Variants in EFCAB6 observed in about 807,000 individuals in gnomAD.
The protein encoded by EFCAB6 is EF-hand calcium binding domain 6, also known as EF-hand calcium-binding domain-containing protein 6.
A neutral mutation model predicts 169.8 loss-of-function variants in EFCAB6; 156 were observed. The ratio of observed to expected loss-of-function variants is 0.92; its 90% CI spans 0.81 to 1.05. EFCAB6 has a LOEUF of 1.05. Ranked by LOEUF, EFCAB6 falls within the 50% of genes least tolerant of loss-of-function variation. EFCAB6 has a pLI of 0.00. For synonymous variants in EFCAB6, 698 were observed against 676.4 expected, an observed-to-expected ratio of 1.03 and a Z score of -0.50; for missense variants, 1,800 against 1,829.1, an observed-to-expected ratio of 0.98 and a Z score of 0.29.
In EFCAB6 at chr22:43,687,552, T is replaced by C. The variant is rs369021857; in HGVS notation, c.1061A>G (p.Asn354Ser). ...AAATGATGTTAGAAATTGCTTCCAA[T>C]TGATTTTAGTGGTGGCTTTAAGTCC... ...RFGLKATTKI[N>S]WKQFLTSFHE... The change falls in exon 11 of 32, where the codon AAT becomes AGT. Residue 354 changes from asparagine to serine, a missense_variant. Asn to Ser is a conservative substitution (Grantham distance 46, BLOSUM62 1). Transcript: ENST00000262726. 57 of 1,604,974 alleles carry C rather than the reference T, an allele frequency of 3.6e-5. 1 individual carries two copies. The highest frequency in any genetic ancestry group is 2.2e-4 in the South Asian group (19 of 88,162).
intron 8 of EFCAB6, among the ~76,000 whole-genome samples, chr22:43,722,530 A>AT (rs2059573123): frequency 2.8e-4 from 2 of 7,082 alleles, no homozygotes; most frequent in South Asian, 7.6e-3. Flanking sequence ...ACTGCATCTC[A>AT]AAAAAAAAAA....
chr22:43,807,192 A>C (rs1303922334), intron 2 of EFCAB6, among the ~76,000 whole-genome samples: 1 of 152,210 alleles, frequency 6.6e-6, no homozygotes, highest in Non-Finnish European at 1.5e-5. Flanking sequence ...AAGGGATAGA[A>C]GCTTAGGCTA....
At chr22:43,607,723 A>C (rs994730182) in intron 22 of EFCAB6, among the ~76,000 whole-genome samples, 1 of 152,232 alleles carries the variant, frequency 6.6e-6, no homozygotes, top group Non-Finnish European at 1.5e-5. Context: ...TCATGGTTTC[A>C]TAAGTTTGCC....
chr22:43,709,093 A>AT (rs1223688751), intron 10 of EFCAB6, among the ~76,000 whole-genome samples: 1 of 152,028 alleles, frequency 6.6e-6, no homozygotes, highest in African/African-American at 2.4e-5. Context: ...TTATTTCTTC[A>AT]TTTTTTGGGA....
At chr22:43,733,095 T>C (rs10483219) in intron 7 of EFCAB6, among the ~76,000 whole-genome samples, 34,554 of 152,188 alleles carry the variant, frequency 0.23, 5,173 homozygotes, top group East Asian at 0.62. Context: ...CTCTTGCCTA[T>C]TGTTTTAATA....
intron 26 of EFCAB6, among the ~76,000 whole-genome samples, chr22:43,569,602 C>G (rs150295492): frequency 6.6e-6 from 1 of 152,176 alleles, no homozygotes; most frequent in Admixed American, 6.5e-5. Context: ...GGGTGGCCTG[C>G]GATAATACTC....
intron 1 of EFCAB6, among the ~76,000 whole-genome samples, chr22:43,809,515 T>G (rs868751448): frequency 2.0e-5 from 3 of 152,180 alleles, no homozygotes; most frequent in Non-Finnish European, 4.4e-5. Context: ...AGTCCTGGAG[T>G]TGGAGCCATA....
In EFCAB6 at chr22:43,608,608, A is replaced by C; in HGVS notation, c.2563-8T>G. The C allele has an allele frequency of 6.2e-7, 1 of 1,612,492 alleles. No homozygotes were observed. The highest frequency in any genetic ancestry group is 8.5e-7 in the Non-Finnish European group (1 of 1,178,502). On this transcript the variant is annotated splice_region_variant and splice_polypyrimidine_tract_variant and intron_variant, in intron 21 of 31. Coordinates refer to ENST00000262726, the MANE Select transcript of EFCAB6 (RefSeq NM_022785.4). The stretch of plus-strand genomic sequence containing the variant: ...ATCGGTTTCTAGAAAATTCTACAAC[A>C]TCAGAATACGGTATTTAGGAACATG...
intron 25 of EFCAB6, among the ~76,000 whole-genome samples, chr22:43,578,899 C>T (rs541590835): frequency 1.3e-5 from 2 of 150,740 alleles, no homozygotes; most frequent in East Asian, 4.0e-4. Context: ...AGCATCATTC[C>T]ATACGTATAG....
intron 2 of EFCAB6, among the ~76,000 whole-genome samples, chr22:43,791,288 G>A (rs1293458330): frequency 4.0e-5 from 6 of 151,518 alleles, no homozygotes; most frequent in Non-Finnish European, 7.4e-5. Flanking sequence ...TGGGAGGATC[G>A]CTTAAACCCG....
chr22:43,722,630 T>G (rs773349163), intron 8 of EFCAB6, among the ~76,000 whole-genome samples: 3 of 152,170 alleles, frequency 2.0e-5, no homozygotes, highest in Non-Finnish European at 1.5e-5. Context: ...GTTCAGCTAC[T>G]GTGGAAAGCA....
At chr22:43,797,351 G>A (rs2148152639) in intron 2 of EFCAB6, 1 of 152,714 alleles carries the variant, frequency 6.5e-6, no homozygotes, top group Middle Eastern at 3.4e-3. Context: ...CTTTGGGAAT[G>A]CTGAAAAATA....
rs79673100 is a variant in EFCAB6, at chr22:43,561,067, A to G, written c.3421-5971T>C. On this transcript the variant is annotated intron_variant, in intron 26 of 31. Transcript: ENST00000262726. ...ATTGCGTGTTCACTATAGAAAACTT[A>G]GAAACTACAGGCTGGGTGCAGTGGC... 6.3e-4 allele frequency among the ~76,000 whole-genome samples: 96 copies of G among 152,328 alleles called. 1 individual carries two copies. In the East Asian group the frequency reaches 0.013, roughly 21 times the overall value.
rs1454935088 is a variant in EFCAB6 at position 43,773,028 on chromosome 22, CCT to C, written c.213_214del (p.Asp73Ter). On this transcript the variant is annotated frameshift_variant, in exon 4 of 32. Coordinates refer to ENST00000262726, the MANE Select transcript of EFCAB6 (RefSeq NM_022785.4). LOFTEE classifies it high-confidence loss of function. ...CTGAAAGGCTTTTTGCAACTCATCC[CCT>C]CTGTCGGTAATTTTTTGAAATAAAA... The C allele has an allele frequency of 1.4e-5, 23 of 1,614,042 alleles. No homozygotes were observed. In the East Asian group the frequency reaches 2.9e-4, roughly 20 times the overall value.
At chr22:43,565,739 T>C (rs539654104) in intron 26 of EFCAB6, among the ~76,000 whole-genome samples, 56 of 151,956 alleles carry the variant, frequency 3.7e-4, no homozygotes, top group African/African-American at 1.1e-3. Flanking sequence ...ATGGTTTTTT[T>C]CTATGATTCC....
chr22:43,725,134 C>CTTTTTTT (rs33983375), intron 8 of EFCAB6, among the ~76,000 whole-genome samples: 1 of 94,686 alleles, frequency 1.1e-5, no homozygotes, highest in Non-Finnish European at 2.0e-5. Flanking sequence ...GCCAAACTGG[C>CTTTTTTT]TTTTTTTTTT....
intron 5 of EFCAB6, among the ~76,000 whole-genome samples, chr22:43,757,669 C>A (rs986834580): frequency 5.3e-5 from 8 of 152,226 alleles, no homozygotes. Context: ...CCTTCCCAAT[C>A]ACATCCTCCT....
intron 6 of EFCAB6, among the ~76,000 whole-genome samples, chr22:43,746,470 G>A (rs1008163767): frequency 6.6e-6 from 1 of 152,212 alleles, no homozygotes; most frequent in Non-Finnish European, 1.5e-5. Context: ...CACAGGCCAT[G>A]TAAACCTTCC....
intron 21 of EFCAB6, among the ~76,000 whole-genome samples, chr22:43,611,674 TGTGGTCCCA>T (rs1440039106): frequency 6.6e-6 from 1 of 152,130 alleles, no homozygotes; most frequent in Admixed American, 6.6e-5. Context: ...GGCACATGTC[TGTGGTCCCA>T]GCTATTTGGG....
Sources: allele counts gnomAD v4.1 joint callset (sites outside exome capture counted in the v4.1 genomes callset), GRCh38; gene constraint gnomAD v4.1.1; transcripts MANE v1.5; gene names NCBI Gene and HGNC (gene_info 2026-07-23, HGNC 2026-07-21).